The following SDK1 variants were observed in gnomAD, a reference collection of about 807,000 sequenced individuals.
SDK1 encodes the protein protein sidekick-1.
In SDK1, 157 loss-of-function variants were observed where a neutral mutation model predicts 245.5. The observed-to-expected ratio is 0.64, with a 90% CI of 0.56 to 0.73. The LOEUF (loss-of-function observed/expected upper bound fraction) is 0.73. Ranked by LOEUF, SDK1 falls within the 30% of genes least tolerant of loss-of-function variation. The pLI, the probability that SDK1 is intolerant of heterozygous loss-of-function variation, is 0.00. For missense variants in SDK1, 3,583 were observed against 3,002.3 expected (o/e 1.19, Z -4.52); for synonymous variants, 1,647 against 1,278.5 (o/e 1.29, Z -6.15).
At chr7:4,122,162 G>A (rs1007924322) in intron 25 of SDK1, among the ~76,000 whole-genome samples, 4 of 152,128 alleles carry the variant, frequency 2.6e-5, no homozygotes, top group South Asian at 2.1e-4. Context: ...TCATCAGAAT[G>A]GAGATTTCAC....
At chr7:4,055,156 T>C (rs1313151316) in intron 19 of SDK1, among the ~76,000 whole-genome samples, 1 of 152,224 alleles carries the variant, frequency 6.6e-6, no homozygotes, top group Non-Finnish European at 1.5e-5. Context: ...CTGGAAGAGA[T>C]TGCGTAAAAT....
intron 1 of SDK1, among the ~76,000 whole-genome samples, chr7:3,328,573 T>G (rs1489091634): frequency 6.6e-6 from 1 of 152,116 alleles, no homozygotes; most frequent in Non-Finnish European, 1.5e-5. Context: ...TACATAAAAG[T>G]CTCCTTCCCC....
chr7:4,200,908 C>T (rs78600678), intron 35 of SDK1, among the ~76,000 whole-genome samples: 4,659 of 152,316 alleles, frequency 0.031, 88 homozygotes, highest in South Asian at 0.081. Flanking sequence ...CATTGCCATG[C>T]CCATGCATTA....
intron 1 of SDK1, among the ~76,000 whole-genome samples, chr7:3,586,895 G>A (rs1004242541): frequency 6.6e-6 from 1 of 152,170 alleles, no homozygotes; most frequent in African/African-American, 2.4e-5. Context: ...GCTGTTGTGA[G>A]AGCCAGCGTA....
chr7:4,007,797 G>T (rs1442645277), intron 14 of SDK1, among the ~76,000 whole-genome samples: 1 of 151,962 alleles, frequency 6.6e-6, no homozygotes, highest in Non-Finnish European at 1.5e-5. Flanking sequence ...GTAGAGGCGG[G>T]GTTTCACCGT....
At chr7:3,887,478 G>A (rs564854621) in intron 5 of SDK1, among the ~76,000 whole-genome samples, 2 of 152,156 alleles carry the variant, frequency 1.3e-5, no homozygotes, top group Non-Finnish European at 2.9e-5. Context: ...ATCAAGGCCC[G>A]CCTAGGGCAT....
chr7:3,311,238 T>C (rs575593329), intron 1 of SDK1, among the ~76,000 whole-genome samples: 2 of 152,206 alleles, frequency 1.3e-5, no homozygotes, highest in East Asian at 1.9e-4. Context: ...TATGATAATA[T>C]AGAAATAATA....
At chr7:3,380,997 T>G (rs1781473993) in intron 1 of SDK1, among the ~76,000 whole-genome samples, 1 of 152,114 alleles carries the variant, frequency 6.6e-6, no homozygotes, top group Non-Finnish European at 1.5e-5. Flanking sequence ...AAAATCAGAG[T>G]TCTGTTAATA....
intron 5 of SDK1, among the ~76,000 whole-genome samples, chr7:3,851,803 G>A (rs1448089637): frequency 6.6e-6 from 1 of 152,142 alleles, no homozygotes; most frequent in Admixed American, 6.5e-5. Context: ...CGGCTAAATA[G>A]CTTCAGACAT....
intron 4 of SDK1, among the ~76,000 whole-genome samples, chr7:3,653,461 G>C (rs1783069620): frequency 6.6e-6 from 1 of 152,098 alleles, no homozygotes; most frequent in African/African-American, 2.4e-5. Flanking sequence ...GATCAGTGGT[G>C]GTGAGAAGTG....
intron 4 of SDK1, among the ~76,000 whole-genome samples, chr7:3,807,859 C>T (rs1779290236): frequency 6.6e-6 from 1 of 152,208 alleles, no homozygotes; most frequent in Non-Finnish European, 1.5e-5. Context: ...GAGATAATAA[C>T]AGCAGCTAAG....
intron 1 of SDK1, among the ~76,000 whole-genome samples, chr7:3,465,154 G>A (rs1278686218): frequency 2.0e-5 from 3 of 152,072 alleles, no homozygotes; most frequent in Non-Finnish European, 2.9e-5. Context: ...CTGCACTTCC[G>A]TGTGACAAGT....
intron 4 of SDK1, among the ~76,000 whole-genome samples, chr7:3,800,251 G>C (rs1001488251): frequency 6.6e-6 from 1 of 152,130 alleles, no homozygotes; most frequent in African/African-American, 2.4e-5. Context: ...TAGCCAGCTG[G>C]CACTGGAGTA....
intron 4 of SDK1, among the ~76,000 whole-genome samples, chr7:3,677,649 C>T (rs1330301699): frequency 6.6e-6 from 1 of 152,310 alleles, no homozygotes; most frequent in East Asian, 1.9e-4. Context: ...GGGACACAGC[C>T]AAACCATATC....
At chr7:3,860,744 C>T (rs1780670282) in intron 5 of SDK1, among the ~76,000 whole-genome samples, 1 of 152,078 alleles carries the variant, frequency 6.6e-6, no homozygotes, top group African/African-American at 2.4e-5. Context: ...TATTTTTTGC[C>T]ACAAGTAGCT....
chr7:3,548,777 A>G (rs1442762490), intron 1 of SDK1, among the ~76,000 whole-genome samples: 1 of 152,174 alleles, frequency 6.6e-6, no homozygotes, highest in Admixed American at 6.5e-5. Flanking sequence ...TTCCTTTTAT[A>G]TTGGCAAGTT....
intron 1 of SDK1, among the ~76,000 whole-genome samples, chr7:3,443,685 C>T (rs997105371): frequency 2.6e-5 from 4 of 152,114 alleles, no homozygotes; most frequent in African/African-American, 7.2e-5. Context: ...TTTGTAATTG[C>T]GAAGGGGAAA....
At chr7:4,001,432 G>A (rs1282097704) in intron 14 of SDK1, among the ~76,000 whole-genome samples, 2 of 152,188 alleles carry the variant, frequency 1.3e-5, no homozygotes, top group Non-Finnish European at 2.9e-5. Context: ...GTCAAAGTCT[G>A]GCCTCGGTGG....
intron 17 of SDK1, among the ~76,000 whole-genome samples, chr7:4,037,407 C>T (rs73300951): frequency 0.077 from 11,715 of 152,046 alleles, 1,034 homozygotes; most frequent in African/African-American, 0.21. Context: ...TCAGTGGAAG[C>T]CAGGGGCTTG....
Sources: allele counts gnomAD v4.1 joint callset (sites outside exome capture counted in the v4.1 genomes callset), GRCh38; gene constraint gnomAD v4.1.1; transcripts MANE v1.5; gene names NCBI Gene and HGNC (gene_info 2026-07-23, HGNC 2026-07-21).